MUC6: variants seen among roughly 807,000 people sequenced by gnomAD.
MUC6 encodes mucin 6, oligomeric mucus/gel-forming (gene/pseudogene).
In MUC6, 188 loss-of-function variants were observed where a neutral mutation model predicts 201.5. That is an observed-to-expected ratio of 0.93 (90% CI 0.83 to 1.05). The LOEUF (loss-of-function observed/expected upper bound fraction) is 1.05, where lower values mean the gene tolerates loss of function less well. MUC6 is among the 50% of genes least tolerant of loss of function. The pLI, the probability that MUC6 is intolerant of heterozygous loss-of-function variation, is 0.00. For missense variants in MUC6, 2,706 were observed against 3,256.9 expected, an observed-to-expected ratio of 0.83 and a Z score of 4.12; for synonymous variants, 1,228 against 1,389.4, an observed-to-expected ratio of 0.88 and a Z score of 2.58.
rs369772466 is a variant in MUC6, at chr11:1,026,941, G to A, written c.2394C>T (p.Cys798=). 4.6e-5 allele frequency: 72 copies of A among 1,581,334 alleles called. No homozygotes were observed. The highest frequency in any genetic ancestry group is 5.9e-5 in the Non-Finnish European group (69 of 1,164,496). The change falls in exon 19 of 33, where the codon TGC becomes TGT. Residue 798 remains cysteine, a splice_region_variant and synonymous_variant. Transcript: ENST00000421673. ...CCCTGCTCCTCGCGCGCCCCCTTAC[G>A]CAGGCAACACCGGTGGCCAGCATCT... ...TCQMLATGVA[C]VPTKCEPGCV... is the part of the protein sequence containing the mutation.
chr11:1,032,817 CGT>C (rs534709676), intron 2 of MUC6, among the ~76,000 whole-genome samples, 194 bp downstream of exon 2: 35 of 137,964 alleles, frequency 2.5e-4, no homozygotes, highest in East Asian at 1.6e-3. Context: ...CATGTGTATG[CGT>C]GTGTCAGGTG....
rs36128067 is a variant in MUC6 at position 1,017,211 on chromosome 11, C to T, written c.5590G>A (p.Ala1864Thr). Residue 1864 changes from alanine to threonine, a missense_variant, in exon 31 of 33, where the codon GCC becomes ACC. Coordinates refer to ENST00000421673, the MANE Select transcript of MUC6 (RefSeq NM_005961.3). ...TVIIPTHTQM[A>T]TSASIHSMPT... ...ATTGAGTGGATGGAGGCAGAAGTGG[C>T]CATCTGTGTGTGGGTAGGGATGATG... 2.2e-4 allele frequency: 298 copies of T among 1,333,442 alleles called. No homozygotes were observed. The highest frequency in any genetic ancestry group is 8.6e-4 in the African/African-American group (33 of 38,570). 82.6% of individuals were successfully genotyped at this position (1,333,442 alleles called of 1,614,324 possible). A position where few individuals can be genotyped will look rare whatever the true frequency, so the allele number is the denominator to read the frequency against.
At chr11:1,025,725 C>A in intron 22 of MUC6, 80 bp downstream of exon 22, 1 of 1,321,902 alleles carries the variant, frequency 7.6e-7, no homozygotes, top group Non-Finnish European at 1.1e-6. Context: ...GACCTGGAGG[C>A]TCCAGTGCGC....
At position 1,030,608 on chromosome 11, in the gene MUC6, T is replaced by C; in HGVS notation, c.857A>G (p.Gln286Arg). Residue 286 changes from glutamine (Q) to arginine (R), a missense_variant, in exon 7 of 33, where the codon CAG becomes CGG. Physicochemically the swap from Gln to Arg is conservative, Grantham distance 43. Around this residue, in one of 10 missense-constraint regions of MUC6, gnomAD observed 1,850 missense variants for 1,958.3 expected, o/e 0.94. Transcript: ENST00000421673. ...EYSRQCSMVG[Q>R]PVRRWRSPGL... ...GGGGCTCCGCCAGCGGCGGACCGGC[T>C]GGCCCACCATGCTGCACTGGCGGGA... 6.5e-7 allele frequency: 1 copy of C among 1,532,594 alleles called. No individual in the cohort carries two copies. The highest frequency in any genetic ancestry group is 8.8e-7 in the Non-Finnish European group (1 of 1,139,340). The allele number at this position is 1,532,594 out of a possible 1,614,324, so 94.9% of individuals were successfully genotyped here. A position where few individuals can be genotyped will look rare whatever the true frequency, so the allele number is the denominator to read the frequency against.
At position 1,026,978 on chromosome 11, in the gene MUC6, G is replaced by A. The variant is rs780793575; in HGVS notation, c.2357C>T (p.Ala786Val). ...GGTGGCCAGCATCTGGCATGTGGGG[G>A]CACAGGCTGCCCCAAACTTGTTCTC... ...SSENKFGAAC[A>V]PTCQMLATGV... Residue 786 changes from alanine to valine, a missense_variant, in exon 19 of 33, where the codon GCC (alanine) becomes GTC (valine). This residue lies in a region of MUC6 where 1,850 missense variants were observed against 1,958.3 expected (regional missense o/e 0.94). Coordinates refer to ENST00000421673, the MANE Select transcript of MUC6 (RefSeq NM_005961.3). The A allele has an allele frequency of 2.5e-5, 40 of 1,599,170 alleles. No homozygotes were observed. The highest frequency in any genetic ancestry group is 3.2e-5 in the Non-Finnish European group (38 of 1,173,706).
At chr11:1,030,819 AC>A in intron 6 of MUC6, 39 bp from the exon 7 acceptor site, 1 of 1,527,562 alleles carries the variant, frequency 6.5e-7, no homozygotes, top group Non-Finnish European at 8.8e-7. Flanking sequence ...CAAAGGCCAC[AC>A]CCCATGCCAC....
In MUC6 at chr11:1,029,277, T is replaced by A; in HGVS notation, c.1226A>T (p.Asp409Val). 1 of 1,606,960 alleles carries A rather than the reference T, an allele frequency of 6.2e-7. No individual in the cohort carries two copies. The highest frequency in any genetic ancestry group is 8.5e-7 in the Non-Finnish European group (1 of 1,177,738). The change falls in exon 10 of 33, where the codon GAC (aspartate) becomes GTC (valine). Residue 409 changes from aspartate (D) to valine (V), a missense_variant. Coordinates refer to ENST00000421673, the MANE Select transcript of MUC6 (RefSeq NM_005961.3). ...LEGGSFVTTF[D>V]ARPYRFHGTC... ...GCCGTGGAAGCGGTAGGGCCTGGCG[T>A]CAAATGTGGTAACAAAGGAGCCACC...
rs1008979507 is a variant in MUC6 at position 1,033,734 on chromosome 11, C to T, written c.53-659G>A. On this transcript the variant is annotated intron_variant, in intron 1 of 32. Coordinates refer to ENST00000421673, the MANE Select transcript of MUC6 (RefSeq NM_005961.3). This position sits in a 1 kb window ranked among gnomAD's most constrained non-coding sequence, Gnocchi z 5.6. Reference sequence around the variant, plus strand: ...GCTGGGGTGGGGCCAACACCCCCCACGTCCCACCCCCTGTACCCAGAGGGA... The same window carrying T: ...GCTGGGGTGGGGCCAACACCCCCCATGTCCCACCCCCTGTACCCAGAGGGA... 2.8e-4 allele frequency among the ~76,000 whole-genome samples: 42 copies of T among 152,002 alleles called. No homozygotes were observed. Among genetic ancestry groups the T allele is most frequent in the Admixed American group, 1.7e-3 (26 of 15,268 alleles).
rs1179846800 is a variant in MUC6, at chr11:1,022,142, G to A, written c.3527-865C>T. 2.0e-4 allele frequency among the ~76,000 whole-genome samples: 15 copies of A among 74,894 alleles called. 1 individual carries two copies. Among genetic ancestry groups the A allele is most frequent in the Non-Finnish European group, 3.5e-4 (14 of 40,482 alleles). The allele number at this position is 74,894 out of a possible 152,430, so 49.1% of individuals were successfully genotyped here. On this transcript the variant is annotated intron_variant, in intron 26 of 32. Transcript: ENST00000421673. ...GCGCCCCTCACTCGCTCTGCCCTCT[G>A]CAGCCCACGCCCCTCACTCGCTCCC...
chr11:1,016,223 G>A lies in MUC6; in HGVS notation c.6578C>T (p.Ser2193Phe), dbSNP rs1856605761. ...LSTHPTTASV[S>F]ASPLFPSSPA... is the part of the protein sequence containing the mutation. ...AGAAGAAGGAAAAAGAGGAGATGCA[G>A]ACACTGATGCAGTCGTGGGATGAGT... The change falls in exon 31 of 33, where the codon TCT becomes TTT. Residue 2193 changes from serine (S) to phenylalanine (F), a missense_variant. Physicochemically the swap from Ser to Phe is radical, Grantham distance 155. Coordinates refer to ENST00000421673, the MANE Select transcript of MUC6 (RefSeq NM_005961.3). 6.2e-7 allele frequency: 1 copy of A among 1,613,284 alleles called. No individual in the cohort carries two copies. Among genetic ancestry groups the A allele is most frequent in the South Asian group, 1.1e-5 (1 of 91,012 alleles).
chr11:1,019,335 T>C lies in MUC6; in HGVS notation c.3970A>G (p.Thr1324Ala). 3 of 1,614,034 alleles carry C rather than the reference T, an allele frequency of 1.9e-6. No homozygotes were observed. Among genetic ancestry groups the C allele is most frequent in the Non-Finnish European group, 2.5e-6 (3 of 1,179,898 alleles). The change falls in exon 30 of 33, where the codon ACA (threonine) becomes GCA (alanine). Residue 1324 changes from threonine to alanine, a missense_variant. Physicochemically the swap from Thr to Ala is moderately conservative, Grantham distance 58. Coordinates refer to ENST00000421673, the MANE Select transcript of MUC6 (RefSeq NM_005961.3). ...SPATTSTAQS[T>A]TRTTMTLPTP... ...GGTAGTGTCATTGTGGTCCGTGTTG[T>C]GGACTGAGCTGTGGACGTCGTGGCT...
chr11:1,019,657 C>T (rs1289774695), intron 29 of MUC6, among the ~76,000 whole-genome samples, 161 bp from the exon 30 acceptor site: 6 of 152,196 alleles, frequency 3.9e-5, no homozygotes, highest in Non-Finnish European at 7.4e-5. Flanking sequence ...GTCCTCCCAC[C>T]GTACTCCTGG....
chr11:1,014,902 C>T (rs1414160499), intron 31 of MUC6, among the ~76,000 whole-genome samples: 4 of 152,230 alleles, frequency 2.6e-5, no homozygotes, highest in Admixed American at 2.0e-4. Context: ...GGTCACCTCC[C>T]TGGTTACACC....
In MUC6 at chr11:1,018,025, C is replaced by T. The variant is rs10751677; in HGVS notation, c.4776G>A (p.Thr1592=). ...SSPFSSTGPM[T]ATSFKTTTTY... Reference sequence around the variant, plus strand: ...TAGTGGTGGTCTTGAAGGATGTTGCCGTCATGGGACCTGTGGAAGAGAAGG... The same window carrying T: ...TAGTGGTGGTCTTGAAGGATGTTGCTGTCATGGGACCTGTGGAAGAGAAGG... The change falls in exon 31 of 33, where the codon ACG becomes ACA. Residue 1592 remains threonine (T), a synonymous_variant. Coordinates refer to ENST00000421673, the MANE Select transcript of MUC6 (RefSeq NM_005961.3). 51 of 1,564,824 alleles carry T rather than the reference C, an allele frequency of 3.3e-5. No homozygotes were observed. The Middle Eastern group carries it at 5.0e-4, about 15-fold the overall frequency.
chr11:1,025,476 A>G, intron 22 of MUC6, 109 bp from the exon 23 acceptor site: 1 of 1,334,930 alleles, frequency 7.5e-7, no homozygotes, highest in South Asian at 1.3e-5. Flanking sequence ...TGTTAAGGCC[A>G]TGCACAGGAG....
In MUC6 at chr11:1,016,528, C is replaced by A. The variant is rs377729497; in HGVS notation, c.6273G>T (p.Ser2091=). 6.7e-7 allele frequency: 1 copy of A among 1,487,030 alleles called. No homozygotes were observed. Among genetic ancestry groups the A allele is most frequent in the Non-Finnish European group, 8.9e-7 (1 of 1,122,090 alleles). The allele number at this position is 1,487,030 out of a possible 1,614,324, so 92.1% of individuals were successfully genotyped here. A position where few individuals can be genotyped will look rare whatever the true frequency, so the allele number is the denominator to read the frequency against. ...AGCTAGAGTTCTGAGGCAGCCAAGACGAGGAGGATATGAAGGAAGAAGAGG... is the reference window on the plus strand; with the variant it reads ...AGCTAGAGTTCTGAGGCAGCCAAGAAGAGGAGGATATGAAGGAAGAAGAGG... The part of the protein sequence containing the change: ...ATASSSFISS[S]SWLPQNSSSR... Residue 2091 remains serine, a synonymous_variant, in exon 31 of 33, where the codon TCG becomes TCT. Coordinates refer to ENST00000421673, the MANE Select transcript of MUC6 (RefSeq NM_005961.3).
intron 1 of MUC6, 133 bp downstream of exon 1, chr11:1,036,471 C>A (rs530662763): frequency 2.8e-6 from 3 of 1,060,650 alleles, no homozygotes; most frequent in Non-Finnish European, 4.0e-6. Context: ...GTCACGGAGC[C>A]GAGCTGGGGC....
chr11:1,022,723 G>A (rs1318101037), intron 26 of MUC6, among the ~76,000 whole-genome samples: 1 of 152,280 alleles, frequency 6.6e-6, no homozygotes, highest in Non-Finnish European at 1.5e-5. Context: ...GGACAGAGGT[G>A]CTCAGGACCC....
In MUC6 at chr11:1,026,357, C is replaced by T; in HGVS notation, c.2516G>A (p.Gly839Glu). Residue 839 changes from glycine to glutamate, a missense_variant, in exon 20 of 33, where the codon GGA becomes GAA. Gly to Glu is a moderately conservative substitution (Grantham distance 98). Coordinates refer to ENST00000421673, the MANE Select transcript of MUC6 (RefSeq NM_005961.3). ...CEFSGVSYPG[G>E]AELHTDCRTC... ...CCTGCAGTCAGTGTGGAGCTCAGCT[C>T]CTCCAGGGTAGGAGACCCCCGAGAA... The T allele has an allele frequency of 6.3e-7, 1 of 1,596,302 alleles. No homozygotes were observed. The highest frequency in any genetic ancestry group is 8.5e-7 in the Non-Finnish European group (1 of 1,171,810).
Sources: gnomAD v4.1 joint callset for allele counts (sites outside exome capture counted in the v4.1 genomes callset) on GRCh38, gnomAD v4.1.1 for gene constraint, gnomAD v4.1.1 regional missense constraint, Gnocchi (gnomAD v3.1) non-coding constraint, MANE v1.5 for transcripts, NCBI Gene and HGNC (gene_info 2026-07-23, HGNC 2026-07-21) for gene names.